The following ASTN2 variants were observed in gnomAD, a reference collection of about 807,000 sequenced individuals.
ASTN2 encodes astrotactin 2, also known as astrotactin-2.
ASTN2 carries 54 observed loss-of-function variants against 139.8 expected under a neutral mutation model. The ratio of observed to expected loss-of-function variants is 0.39; its 90% CI spans 0.31 to 0.48. The LOEUF is 0.48. Ranked by LOEUF, ASTN2 falls within the 20% of genes least tolerant of loss-of-function variation. The pLI, the probability that ASTN2 is intolerant of heterozygous loss-of-function variation, is 0.95. For missense variants in ASTN2, 1,565 were observed against 1,725.1 expected, an observed-to-expected ratio of 0.91 and a Z score of 1.64; for synonymous variants, 756 against 719.5, an observed-to-expected ratio of 1.05 and a Z score of -0.81.
chr9:117,049,869 G>T (rs776368267), intron 5 of ASTN2, among the ~76,000 whole-genome samples: 2 of 152,174 alleles, frequency 1.3e-5, no homozygotes, highest in African/African-American at 4.8e-5. Context: ...GAAGGAAAAA[G>T]ATGCTGTACT....
intron 3 of ASTN2, among the ~76,000 whole-genome samples, chr9:117,149,754 C>T (rs1830286240): frequency 6.6e-6 from 1 of 152,188 alleles, no homozygotes; most frequent in Admixed American, 6.5e-5. Flanking sequence ...GTTCCTTAGG[C>T]AGATGAGAAT....
chr9:116,989,827 G>A (rs534611354), intron 7 of ASTN2, among the ~76,000 whole-genome samples: 4 of 151,998 alleles, frequency 2.6e-5, no homozygotes, highest in African/African-American at 4.8e-5. Context: ...CAGGTGATCC[G>A]CCTGCCTCGG....
chr9:116,575,588 G>T (rs564901657), intron 19 of ASTN2, among the ~76,000 whole-genome samples: 1 of 152,250 alleles, frequency 6.6e-6, no homozygotes, highest in South Asian at 2.1e-4. Flanking sequence ...ATTAATATAA[G>T]GTCTTGGGGT....
intron 1 of ASTN2, among the ~76,000 whole-genome samples, chr9:117,308,772 TA>T (rs1004984218): frequency 0.012 from 1,799 of 147,262 alleles, 28 homozygotes; most frequent in African/African-American, 0.038. Flanking sequence ...CATCTACCTT[TA>T]AAAAAAAAAA....
chr9:116,902,986 A>G (rs535799962), intron 10 of ASTN2, among the ~76,000 whole-genome samples: 1 of 151,646 alleles, frequency 6.6e-6, no homozygotes, highest in African/African-American at 2.4e-5. Flanking sequence ...ACTTCCCCCA[A>G]CTCTGTCTCT....
At chr9:117,193,745 T>C (rs934866437) in intron 3 of ASTN2, among the ~76,000 whole-genome samples, 1 of 152,186 alleles carries the variant, frequency 6.6e-6, no homozygotes, top group African/African-American at 2.4e-5. Flanking sequence ...GCAACCACTT[T>C]AAAGCAGTCT....
At chr9:116,840,725 C>T in intron 11 of ASTN2, among the ~76,000 whole-genome samples, 1 of 141,540 alleles carries the variant, frequency 7.1e-6, no homozygotes, top group African/African-American at 2.6e-5. Flanking sequence ...AGAGACGCTC[C>T]TCACATCCCG....
chr9:117,358,131 C>G (rs1204116577), intron 1 of ASTN2, among the ~76,000 whole-genome samples: 1 of 152,078 alleles, frequency 6.6e-6, no homozygotes. Context: ...GTTTAAGAAG[C>G]CTTCTAGTTT....
At chr9:117,239,173 G>A (rs1180530546) in intron 2 of ASTN2, among the ~76,000 whole-genome samples, 1 of 152,132 alleles carries the variant, frequency 6.6e-6, no homozygotes, top group Non-Finnish European at 1.5e-5. Flanking sequence ...GCCACCCTTG[G>A]CTGACAGCAT....
intron 1 of ASTN2, among the ~76,000 whole-genome samples, chr9:117,409,934 T>C (rs999649048): frequency 6.6e-6 from 1 of 152,178 alleles, no homozygotes; most frequent in African/African-American, 2.4e-5. Flanking sequence ...TCTTCCTCCT[T>C]CTTCCAGGCC....
chr9:116,472,511 T>C (rs888373939), intron 20 of ASTN2, among the ~76,000 whole-genome samples: 11 of 152,184 alleles, frequency 7.2e-5, no homozygotes, highest in Non-Finnish European at 1.5e-4. Flanking sequence ...TCTTTCAGTC[T>C]CAGCCATAAG....
chr9:117,175,181 G>A (rs900197419), intron 3 of ASTN2, among the ~76,000 whole-genome samples: 1 of 152,042 alleles, frequency 6.6e-6, no homozygotes, highest in African/African-American at 2.4e-5. Flanking sequence ...TGTAATACAA[G>A]TGAAAAGATA....
chr9:116,864,374 T>C (rs143106258), intron 10 of ASTN2, among the ~76,000 whole-genome samples: 3 of 152,260 alleles, frequency 2.0e-5, no homozygotes, highest in Non-Finnish European at 4.4e-5. Context: ...AGTCACTCCA[T>C]CAAGACTATC....
intron 4 of ASTN2, among the ~76,000 whole-genome samples, chr9:117,132,511 T>A (rs1829850960): frequency 6.6e-6 from 1 of 152,126 alleles, no homozygotes; most frequent in Non-Finnish European, 1.5e-5. Context: ...TGCCTCTCCA[T>A]CCTCCAGGCC....
chr9:117,359,106 T>A (rs79633944), intron 1 of ASTN2, among the ~76,000 whole-genome samples: 1,743 of 152,318 alleles, frequency 0.011, 33 homozygotes, highest in African/African-American at 0.04. Flanking sequence ...AAACAGTGTC[T>A]AATGTGAAAA....
chr9:116,595,385 T>C (rs1027879665), intron 19 of ASTN2, among the ~76,000 whole-genome samples: 5 of 152,134 alleles, frequency 3.3e-5, no homozygotes, highest in African/African-American at 1.2e-4. Flanking sequence ...TGGAGTGCAG[T>C]GGTGTGATCT....
chr9:116,778,602 A>G lies in ASTN2; in HGVS notation c.2396+27030T>C, dbSNP rs538974772. On this transcript the variant is annotated intron_variant, in intron 13 of 22. Coordinates refer to ENST00000313400, the MANE Select transcript of ASTN2 (RefSeq NM_001365068.1). ...AAAACTGTTCTCAGGATGCAGTGCT[A>G]ATTAGTCTCTCCTTCCCCTGATGAC... is the stretch of plus-strand genomic sequence containing the variant. Among the ~76,000 whole-genome samples, 4 of 152,260 alleles carry G rather than the reference A, an allele frequency of 2.6e-5. No individual in the cohort carries two copies. In the East Asian group the frequency reaches 7.7e-4, roughly 29 times the overall value.
At chr9:117,179,620 T>C (rs1272034607) in intron 3 of ASTN2, among the ~76,000 whole-genome samples, 1 of 152,164 alleles carries the variant, frequency 6.6e-6, no homozygotes, top group Non-Finnish European at 1.5e-5. Flanking sequence ...CCCCCATCTC[T>C]TCTCTTACCT....
At chr9:116,770,219 G>A (rs533607967) in intron 13 of ASTN2, among the ~76,000 whole-genome samples, 2 of 152,248 alleles carry the variant, frequency 1.3e-5, no homozygotes, top group Admixed American at 6.5e-5. Context: ...ATAGATGGGG[G>A]TTGGTGCCCA....
Sources: allele counts gnomAD v4.1 joint callset (sites outside exome capture counted in the v4.1 genomes callset), GRCh38; gene constraint gnomAD v4.1.1; transcripts MANE v1.5; gene names NCBI Gene and HGNC (gene_info 2026-07-23, HGNC 2026-07-21).